Variants in ARHGEF3 observed in about 807,000 individuals in gnomAD.
ARHGEF3 encodes 59.8 kDA protein.
A neutral mutation model predicts 63.2 loss-of-function variants in ARHGEF3; 28 were observed. The observed-to-expected ratio is 0.44, with a 90% CI of 0.33 to 0.61. The LOEUF is 0.61. Ranked by LOEUF, ARHGEF3 falls within the 20% of genes least tolerant of loss-of-function variation. ARHGEF3 has a pLI of 0.03. For missense variants in ARHGEF3, 533 were observed against 659.3 expected, an observed-to-expected ratio of 0.81 and a Z score of 2.10; for synonymous variants, 266 against 254.2, an observed-to-expected ratio of 1.05 and a Z score of -0.44.
At chr3:56,971,193 C>G (rs1298087544) in intron 2 of ARHGEF3, among the ~76,000 whole-genome samples, 1 of 152,036 alleles carries the variant, frequency 6.6e-6, no homozygotes, top group Non-Finnish European at 1.5e-5. Flanking sequence ...CTTCCATACA[C>G]GATGAAAGAA....
At position 56,782,082 on chromosome 3, in the gene ARHGEF3, CTCT is replaced by C. The variant is rs1422699434; in HGVS notation, c.97-8269_97-8267del. Among the ~76,000 whole-genome samples the C allele has an allele frequency of 3.3e-5, 5 of 152,270 alleles. No homozygotes were observed. The South Asian group carries it at 8.3e-4, about 25-fold the overall frequency. On this transcript the variant is annotated intron_variant, in intron 1 of 9. Coordinates refer to ENST00000296315, the MANE Select transcript of ARHGEF3 (RefSeq NM_019555.3). ...GAGCTGCCTTGGAGCTTGCAAATGA[CTCT>C]TCATCTTATTTTTTTGGAAATAGAA...
chr3:56,734,767 A>T (rs1368520510), intron 8 of ARHGEF3, among the ~76,000 whole-genome samples: 1 of 152,158 alleles, frequency 6.6e-6, no homozygotes, highest in East Asian at 1.9e-4. Flanking sequence ...TCTTGGCTAG[A>T]GGGAATAAAA....
chr3:56,952,054 A>G (rs1206871784), intron 3 of ARHGEF3, among the ~76,000 whole-genome samples: 1 of 151,912 alleles, frequency 6.6e-6, no homozygotes, highest in Non-Finnish European at 1.5e-5. Flanking sequence ...TGCAATCAGA[A>G]CCTAGTAATG....
At chr3:56,753,010 T>C (rs1219176958) in intron 4 of ARHGEF3, among the ~76,000 whole-genome samples, 3 of 152,168 alleles carry the variant, frequency 2.0e-5, no homozygotes, top group Non-Finnish European at 4.4e-5. Context: ...GGAAGGTTTG[T>C]TGTCCTCCTC....
upstream of ARHGEF3, chr3:56,802,059 C>T (rs1005705345): frequency 1.7e-5 from 22 of 1,311,112 alleles, no homozygotes; most frequent in Admixed American, 7.0e-5. Context: ...GCCCACGTGC[C>T]GCAGCGCGGA....
At chr3:56,875,687 C>T (rs1248784522) in intron 4 of ARHGEF3, among the ~76,000 whole-genome samples, 1 of 152,156 alleles carries the variant, frequency 6.6e-6, no homozygotes, top group Non-Finnish European at 1.5e-5. Context: ...TGAAATGCTA[C>T]TGACTTTTTA....
chr3:56,955,047 T>C (rs1409680277), intron 3 of ARHGEF3, among the ~76,000 whole-genome samples: 2 of 152,032 alleles, frequency 1.3e-5, no homozygotes, highest in Admixed American at 6.6e-5. Context: ...CCACTGTACC[T>C]CTCCTCGAGA....
chr3:56,983,752 A>G (rs143030302), intron 2 of ARHGEF3, among the ~76,000 whole-genome samples: 12,709 of 152,030 alleles, frequency 0.084, 658 homozygotes, highest in Non-Finnish European at 0.12. Context: ...CCTGGCCAAT[A>G]TGGTGAAACC....
intron 3 of ARHGEF3, among the ~76,000 whole-genome samples, chr3:56,923,840 G>T (rs185114023): frequency 1.2e-3 from 183 of 152,292 alleles, no homozygotes; most frequent in Non-Finnish European, 2.1e-3. Context: ...AATCAGAAAG[G>T]AATCACCAAA....
intron 1 of ARHGEF3, among the ~76,000 whole-genome samples, chr3:56,778,895 G>C (rs1381033734): frequency 2.0e-5 from 3 of 152,076 alleles, no homozygotes; most frequent in Non-Finnish European, 4.4e-5. Context: ...ATTATTCTTA[G>C]CTTGAGGCCC....
intron 1 of ARHGEF3, among the ~76,000 whole-genome samples, chr3:57,062,798 A>G (rs1020815561): frequency 3.9e-5 from 6 of 152,178 alleles, no homozygotes; most frequent in African/African-American, 1.4e-4. Context: ...ATTATATCAT[A>G]ATAGAAGAAT....
At chr3:56,912,777 G>T (rs995447471) in intron 3 of ARHGEF3, among the ~76,000 whole-genome samples, 7 of 152,118 alleles carry the variant, frequency 4.6e-5, no homozygotes, top group African/African-American at 1.7e-4. Flanking sequence ...TTTGTCAAGA[G>T]AACAAATAGT....
chr3:56,767,952 T>C (rs960372930), intron 2 of ARHGEF3, among the ~76,000 whole-genome samples: 5 of 152,054 alleles, frequency 3.3e-5, no homozygotes, highest in African/African-American at 9.7e-5. Flanking sequence ...TTCACCATGT[T>C]GGCCAGGCTG....
intron 1 of ARHGEF3, among the ~76,000 whole-genome samples, chr3:57,049,226 A>G (rs1704577061): frequency 6.6e-6 from 1 of 152,130 alleles, no homozygotes; most frequent in Non-Finnish European, 1.5e-5. Flanking sequence ...AAAATTAGCC[A>G]GGTATGGTGA....
chr3:57,003,427 A>AAAAAAAG (rs1702342180), intron 2 of ARHGEF3, among the ~76,000 whole-genome samples: 2 of 146,846 alleles, frequency 1.4e-5, no homozygotes, highest in African/African-American at 5.0e-5. Context: ...AAAAAAAAAA[A>AAAAAAAG]GTTAAATAAC....
chr3:56,813,013 T>C (rs2038128034), intron 4 of ARHGEF3, among the ~76,000 whole-genome samples: 1 of 152,178 alleles, frequency 6.6e-6, no homozygotes, highest in South Asian at 2.1e-4. Flanking sequence ...TGAACTTTAA[T>C]AACCCAGTGC....
rs1384742472 is a variant in ARHGEF3 at position 56,916,517 on chromosome 3, G to C, written c.130-34163C>G. ...ATCAGTTACAAGTGTCAGAGGCTGA[G>C]AGCCGCACCAGTCAAGAGCTCCCCA... On this transcript the variant is annotated intron_variant, in intron 3 of 12. Coordinates refer to the ARHGEF3 transcript ENST00000338458. The C allele has an allele frequency of 8.1e-6, 11 of 1,365,644 alleles. No individual in the cohort carries two copies. In the Admixed American group the frequency reaches 3.7e-4, roughly 46 times the overall value. The allele number at this position is 1,365,644 out of a possible 1,614,324, so 84.6% of individuals were successfully genotyped here.
At chr3:56,827,039 G>C (rs976877272) in intron 4 of ARHGEF3, among the ~76,000 whole-genome samples, 8 of 152,082 alleles carry the variant, frequency 5.3e-5, no homozygotes, top group Non-Finnish European at 7.4e-5. Flanking sequence ...CCTTTCCCTA[G>C]TGTAGGAAAG....
intron 2 of ARHGEF3, chr3:56,958,998 C>T: frequency 5.0e-6 from 6 of 1,190,868 alleles, no homozygotes; most frequent in Non-Finnish European, 7.3e-6. Context: ...AAGAAATGGC[C>T]CAAACAAGGT....
Sources: allele counts gnomAD v4.1 joint callset (sites outside exome capture counted in the v4.1 genomes callset), GRCh38; gene constraint gnomAD v4.1.1; transcripts MANE v1.5; gene names NCBI Gene and HGNC (gene_info 2026-07-23, HGNC 2026-07-21).